PRKACB: variants seen among roughly 807,000 people sequenced by gnomAD.
PRKACB encodes the protein cAMP-dependent protein kinase catalytic subunit beta.
PRKACB carries 16 observed loss-of-function variants against 51.4 expected under a neutral mutation model. The ratio of observed to expected loss-of-function variants is 0.31; its 90% CI spans 0.21 to 0.47. The LOEUF (loss-of-function observed/expected upper bound fraction) is 0.47. Ranked by LOEUF, PRKACB falls within the 20% of genes least tolerant of loss-of-function variation. PRKACB has a pLI of 1.00. For synonymous variants in PRKACB, 147 were observed against 154.4 expected, an observed-to-expected ratio of 0.95 and a Z score of 0.35; for missense variants, 309 against 464.5, an observed-to-expected ratio of 0.67 and a Z score of 3.08.
chr1:84,211,197 A>G (rs902610715), intron 8 of PRKACB, among the ~76,000 whole-genome samples: 2 of 152,022 alleles, frequency 1.3e-5, no homozygotes, highest in Admixed American at 1.3e-4. Context: ...TCCAAAATAA[A>G]GAATTACATT....
chr1:84,160,856 G>A (rs1277469628), intron 1 of PRKACB, among the ~76,000 whole-genome samples: 1 of 151,470 alleles, frequency 6.6e-6, no homozygotes, highest in Non-Finnish European at 1.5e-5. Flanking sequence ...GAAAGCTTTG[G>A]CAAACCCTTC....
At chr1:84,114,372 A>G (rs1557955024) in intron 1 of PRKACB, among the ~76,000 whole-genome samples, 1 of 152,180 alleles carries the variant, frequency 6.6e-6, no homozygotes, top group African/African-American at 2.4e-5. Context: ...GTTATAAGCA[A>G]TTTCAGAACA....
In PRKACB at chr1:84,085,876, C is replaced by T. The variant is rs1388724383; in HGVS notation, c.46+7505C>T. 2.6e-5 allele frequency: 15 copies of T among 585,138 alleles called. No homozygotes were observed. The East Asian group carries it at 4.1e-4, about 16-fold the overall frequency. 36.2% of individuals were successfully genotyped at this position (585,138 alleles called of 1,614,324 possible). On this transcript the variant is annotated intron_variant, in intron 1 of 8. Transcript: ENST00000370688. ...CAGTCCTGGTGGCCTGGCTGTAACA[C>T]CCAACTCAGCCCAGACCATATACAC...
intron 5 of PRKACB, among the ~76,000 whole-genome samples, chr1:84,191,517 G>A (rs1666784571): frequency 6.6e-6 from 1 of 152,098 alleles, no homozygotes; most frequent in Non-Finnish European, 1.5e-5. Flanking sequence ...ATGAAATCAT[G>A]TCCTTTGCAG....
At chr1:84,208,933 G>C (rs1311357217) in intron 8 of PRKACB, among the ~76,000 whole-genome samples, 2 of 152,144 alleles carry the variant, frequency 1.3e-5, no homozygotes, top group African/African-American at 2.4e-5. Flanking sequence ...TAAAGAAATA[G>C]CTTGGTAGAA....
At chr1:84,228,374 G>A (rs910132968) in intron 9 of PRKACB, among the ~76,000 whole-genome samples, 1 of 152,184 alleles carries the variant, frequency 6.6e-6, no homozygotes, top group Non-Finnish European at 1.5e-5. Flanking sequence ...TATCAGTCAT[G>A]TGAATTTGGT....
intron 1 of PRKACB, among the ~76,000 whole-genome samples, chr1:84,092,989 T>C (rs1648608831): frequency 6.6e-6 from 1 of 152,054 alleles, no homozygotes; most frequent in Admixed American, 6.6e-5. Context: ...GTACAGGATT[T>C]TCCCCCCAGA....
intron 5 of PRKACB, among the ~76,000 whole-genome samples, chr1:84,190,109 T>A (rs1666315004): frequency 6.6e-6 from 1 of 151,806 alleles, no homozygotes. Flanking sequence ...AATATACTTT[T>A]CATACAACAT....
At chr1:84,223,257 G>A (rs1284126442) in intron 9 of PRKACB, among the ~76,000 whole-genome samples, 2 of 151,452 alleles carry the variant, frequency 1.3e-5, no homozygotes, top group African/African-American at 2.4e-5. Flanking sequence ...CAGAAGACCT[G>A]TCCTCAATTC....
At chr1:84,130,335 C>A (rs2100550572) in intron 1 of PRKACB, among the ~76,000 whole-genome samples, 4 of 152,176 alleles carry the variant, frequency 2.6e-5, no homozygotes, top group Admixed American at 2.6e-4. Flanking sequence ...AAGATATACT[C>A]CTAAAACTGC....
intron 7 of PRKACB, among the ~76,000 whole-genome samples, chr1:84,198,368 A>G (rs1408897642): frequency 6.6e-6 from 1 of 152,136 alleles, no homozygotes; most frequent in Non-Finnish European, 1.5e-5. Flanking sequence ...AAGAATGGTT[A>G]ACTTTTCCTC....
chr1:84,222,129 C>T (rs1212485837), intron 9 of PRKACB, among the ~76,000 whole-genome samples: 1 of 151,846 alleles, frequency 6.6e-6, no homozygotes, highest in Non-Finnish European at 1.5e-5. Flanking sequence ...CATATATATC[C>T]GTTATATCCT....
intron 9 of PRKACB, among the ~76,000 whole-genome samples, chr1:84,216,731 T>A (rs1248138793): frequency 6.6e-6 from 1 of 152,192 alleles, no homozygotes; most frequent in Non-Finnish European, 1.5e-5. Flanking sequence ...ATTTTACTGA[T>A]GTGGAAATCA....
chr1:84,177,540 G>T (rs186849409), intron 1 of PRKACB, among the ~76,000 whole-genome samples: 3 of 152,022 alleles, frequency 2.0e-5, no homozygotes, highest in Admixed American at 1.3e-4. Context: ...CAAAAGTTCA[G>T]GACAAGCCTG....
At chr1:84,094,539 A>G (rs905347018) in intron 1 of PRKACB, among the ~76,000 whole-genome samples, 1 of 151,856 alleles carries the variant, frequency 6.6e-6, no homozygotes, top group African/African-American at 2.4e-5. Flanking sequence ...TTTTTAGCTT[A>G]GTTTCACTGT....
chr1:84,234,622 C>T (rs1413741918), intron 9 of PRKACB, among the ~76,000 whole-genome samples: 5 of 152,196 alleles, frequency 3.3e-5, no homozygotes, highest in East Asian at 1.9e-4. Flanking sequence ...CCTGGTGCGC[C>T]GTTTTTTAAG....
intron 6 of PRKACB, among the ~76,000 whole-genome samples, chr1:84,197,336 T>A (rs1668499440): frequency 6.6e-6 from 1 of 152,154 alleles, no homozygotes; most frequent in Non-Finnish European, 1.5e-5. Context: ...CCCATTGACG[T>A]TTTTACACTT....
intron 5 of PRKACB, among the ~76,000 whole-genome samples, chr1:84,187,024 T>A (rs1665334508): frequency 1.3e-5 from 2 of 152,126 alleles, no homozygotes; most frequent in Non-Finnish European, 2.9e-5. Context: ...TATAGTAAAA[T>A]GTATTTGTGC....
chr1:84,148,403 T>G (rs1355282735), intron 1 of PRKACB, among the ~76,000 whole-genome samples: 3 of 151,588 alleles, frequency 2.0e-5, no homozygotes, highest in African/African-American at 4.8e-5. Flanking sequence ...ATATTATAGT[T>G]TATAATATTT....
Sources: allele counts gnomAD v4.1 joint callset (sites outside exome capture counted in the v4.1 genomes callset), GRCh38; gene constraint gnomAD v4.1.1; transcripts MANE v1.5; gene names NCBI Gene and HGNC (gene_info 2026-07-23, HGNC 2026-07-21).